SAMD5: variants seen among roughly 807,000 people sequenced by gnomAD.
The protein encoded by SAMD5 is sterile alpha motif domain containing 5.
A neutral mutation model predicts 11.3 loss-of-function variants in SAMD5; 13 were observed. That is an observed-to-expected ratio of 1.15 (90% CI 0.75 to 1.83). The LOEUF (loss-of-function observed/expected upper bound fraction) is 1.83. Among genes scored for constraint, SAMD5 ranks in the 40% most tolerant of loss-of-function variants. SAMD5 has a pLI of 0.00. For missense variants in SAMD5, 255 were observed against 239.1 expected, an observed-to-expected ratio of 1.07 and a Z score of -0.44; for synonymous variants, 129 against 111.3, an observed-to-expected ratio of 1.16 and a Z score of -1.00.
At chr6:147,627,377 A>C (rs1396636212) in intron 1 of SAMD5, among the ~76,000 whole-genome samples, 1 of 152,192 alleles carries the variant, frequency 6.6e-6, no homozygotes, top group African/African-American at 2.4e-5. Flanking sequence ...TTTTTATCAT[A>C]CTAATTTGTA....
chr6:147,508,956 C>A lies in SAMD5; in HGVS notation c.28C>A (p.Leu10Ile). Residue 10 changes from leucine (L) to isoleucine (I), a missense_variant, in exon 1 of 2, where the codon CTC (leucine) becomes ATC (isoleucine). Physicochemically the swap from Leu to Ile is conservative, Grantham distance 5 (BLOSUM62 2). Coordinates refer to ENST00000367474, the MANE Select transcript of SAMD5 (RefSeq NM_001030060.3). ...GTGCACCAACATAGTTTACGAGTGGCTCAAAGCGCTGCAGCTTCCGCAGTA... is the reference window on the plus strand; with the variant it reads ...GTGCACCAACATAGTTTACGAGTGGATCAAAGCGCTGCAGCTTCCGCAGTA... Reference protein sequence around the residue: MCTNIVYEWLKALQLPQYAE... With the variant: MCTNIVYEWIKALQLPQYAE... 1 of 1,601,552 alleles carries A rather than the reference C, an allele frequency of 6.2e-7. No individual in the cohort carries two copies. The highest frequency in any genetic ancestry group is 8.5e-7 in the Non-Finnish European group (1 of 1,174,502).
chr6:147,595,731 T>C (rs1356910165), intron 1 of SAMD5, among the ~76,000 whole-genome samples: 1 of 151,984 alleles, frequency 6.6e-6, no homozygotes, highest in Non-Finnish European at 1.5e-5. Flanking sequence ...TTCACCATGT[T>C]GGCCAGGAGG....
chr6:147,752,153 T>C, the SAMD5 span, among the ~76,000 whole-genome samples: 5 of 152,176 alleles, frequency 3.3e-5, no homozygotes, highest in Admixed American at 1.3e-4. Flanking sequence ...ATGGAAGATA[T>C]AAGCATCTTG....
At chr6:147,884,483 G>C in the SAMD5 span, among the ~76,000 whole-genome samples, 1 of 152,182 alleles carries the variant, frequency 6.6e-6, no homozygotes, top group Non-Finnish European at 1.5e-5. Context: ...CTACAGAACT[G>C]TAATACCTCC....
chr6:147,631,167 G>A (rs756438224), intron 1 of SAMD5, among the ~76,000 whole-genome samples: 2 of 152,192 alleles, frequency 1.3e-5, no homozygotes, highest in Non-Finnish European at 2.9e-5. Flanking sequence ...TTGTGGGGTT[G>A]TTAGAAGGAG....
chr6:147,512,149 G>A (rs1019678643), intron 1 of SAMD5, among the ~76,000 whole-genome samples: 8 of 152,074 alleles, frequency 5.3e-5, no homozygotes, highest in African/African-American at 1.9e-4. Flanking sequence ...GTAGAGACGG[G>A]GTTTCACCAT....
chr6:147,647,274 G>A (rs921055280), intron 1 of SAMD5, among the ~76,000 whole-genome samples: 9 of 152,136 alleles, frequency 5.9e-5, no homozygotes, highest in South Asian at 2.1e-4. Context: ...AGTGGCTGAA[G>A]GGAGGAAGAA....
chr6:147,542,735 A>T (rs1788626783), intron 1 of SAMD5, among the ~76,000 whole-genome samples: 2 of 152,184 alleles, frequency 1.3e-5, no homozygotes, highest in East Asian at 3.9e-4. Flanking sequence ...AGAGAGGGTT[A>T]AAATTTTGTA....
rs1790583915 is a variant in SAMD5 at position 147,657,223 on chromosome 6, A to G, written c.163-80094A>G. Among the ~76,000 whole-genome samples, 2 of 152,154 alleles carry G rather than the reference A, an allele frequency of 1.3e-5. 1 individual carries two copies. Among genetic ancestry groups the G allele is most frequent in the South Asian group, 4.1e-4 (2 of 4,830 alleles). On this transcript the variant is annotated intron_variant, in intron 1 of 1. Transcript: ENST00000566741. Reference sequence around the variant, plus strand: ...AGAAAACATACTGATCTTGTGCTAGAGGGTAGAAAATGGTATAAAAGGCAC... The same window carrying G: ...AGAAAACATACTGATCTTGTGCTAGGGGGTAGAAAATGGTATAAAAGGCAC...
chr6:147,909,618 T>TCTCTCTCTCTC, the SAMD5 span, among the ~76,000 whole-genome samples: 3 of 76,436 alleles, frequency 3.9e-5, no homozygotes, highest in African/African-American at 2.5e-4. Context: ...CTTTCTTTCT[T>TCTCTCTCTCTC]TCTTTCTTTC....
the SAMD5 span, among the ~76,000 whole-genome samples, chr6:147,853,861 A>G: frequency 1.3e-5 from 2 of 152,194 alleles, no homozygotes; most frequent in Non-Finnish European, 2.9e-5. Context: ...CCTTACTGTC[A>G]GAAACAAACA....
At chr6:147,945,242 C>T in the SAMD5 span, among the ~76,000 whole-genome samples, 1 of 152,144 alleles carries the variant, frequency 6.6e-6, no homozygotes, top group Non-Finnish European at 1.5e-5. Context: ...GACCCCAATC[C>T]ATCTTCCACA....
intron 1 of SAMD5, among the ~76,000 whole-genome samples, chr6:147,536,106 C>T (rs1788505285): frequency 6.6e-6 from 1 of 152,092 alleles, no homozygotes; most frequent in Non-Finnish European, 1.5e-5. Context: ...GCCTCAGCCT[C>T]CCAAGTAGCT....
chr6:147,898,912 G>A, the SAMD5 span, among the ~76,000 whole-genome samples: 2 of 152,016 alleles, frequency 1.3e-5, no homozygotes, highest in South Asian at 2.1e-4. Flanking sequence ...CGGGCGTGGT[G>A]GCTCACCCCT....
At chr6:147,589,802 A>C (rs1295005064) in intron 1 of SAMD5, among the ~76,000 whole-genome samples, 1 of 152,192 alleles carries the variant, frequency 6.6e-6, no homozygotes, top group Non-Finnish European at 1.5e-5. Flanking sequence ...TATAGTATAA[A>C]TGTGATGCCT....
the SAMD5 span, among the ~76,000 whole-genome samples, chr6:147,888,391 G>A: frequency 6.6e-6 from 1 of 152,044 alleles, no homozygotes; most frequent in South Asian, 2.1e-4. Flanking sequence ...TTTTCACTGA[G>A]CCTTAATTTT....
At chr6:147,938,927 G>T in the SAMD5 span, among the ~76,000 whole-genome samples, 1 of 141,354 alleles carries the variant, frequency 7.1e-6, no homozygotes, top group East Asian at 2.1e-4. Flanking sequence ...AACCCCACAA[G>T]TTGAGGGCTG....
the SAMD5 span, among the ~76,000 whole-genome samples, chr6:147,856,109 C>T: frequency 6.6e-6 from 1 of 152,114 alleles, no homozygotes; most frequent in Non-Finnish European, 1.5e-5. Flanking sequence ...AAGGAATGAA[C>T]TGTTGATACA....
the SAMD5 span, among the ~76,000 whole-genome samples, chr6:147,908,982 G>A: frequency 1.3e-5 from 2 of 152,304 alleles, no homozygotes; most frequent in African/African-American, 2.4e-5. Flanking sequence ...GCCAAGGTGG[G>A]AGGATCACTT....
Sources: allele counts gnomAD v4.1 joint callset (sites outside exome capture counted in the v4.1 genomes callset), GRCh38; gene constraint gnomAD v4.1.1; transcripts MANE v1.5; gene names NCBI Gene and HGNC (gene_info 2026-07-23, HGNC 2026-07-21).